The following DNAAF5 variants were observed in gnomAD, a reference collection of about 807,000 sequenced individuals.
DNAAF5 encodes HEAT repeat containing 2.
Under a neutral mutation model 75.8 loss-of-function variants are expected in DNAAF5, and 64 were observed. The observed-to-expected ratio is 0.84, with a 90% CI of 0.69 to 1.04. DNAAF5 has a LOEUF of 1.04. Ranked by LOEUF, DNAAF5 falls within the 50% of genes least tolerant of loss-of-function variation. The pLI, the probability that DNAAF5 is intolerant of heterozygous loss-of-function variation, is 0.00. For synonymous variants in DNAAF5, 657 were observed against 557.2 expected, an observed-to-expected ratio of 1.18 and a Z score of -2.52; for missense variants, 1,269 against 1,178.5, an observed-to-expected ratio of 1.08 and a Z score of -1.12.
Position 759,080 on chromosome 7 carries a change from C to T in DNAAF5, c.1470+2086C>T, listed in dbSNP as rs532804060. Among the ~76,000 whole-genome samples the T allele has an allele frequency of 6.7e-5, 10 of 149,454 alleles. No homozygotes were observed. The South Asian group carries it at 1.2e-3, about 19-fold the overall frequency. On this transcript the variant is annotated intron_variant, in intron 6 of 12. Coordinates refer to ENST00000297440, the MANE Select transcript of DNAAF5 (RefSeq NM_017802.4). ...GGCCCGTGGTTCTGTGCTCTTCCCA[C>T]GCCCCTGTGCTCTTCCCGCGGCCGG...
At chr7:779,612 G>A (rs1038932374) in intron 11 of DNAAF5, among the ~76,000 whole-genome samples, 1 of 152,146 alleles carries the variant, frequency 6.6e-6, no homozygotes, top group Non-Finnish European at 1.5e-5. Context: ...CTGGGAGCAG[G>A]AGGTGGAGGG....
intron 4 of DNAAF5, among the ~76,000 whole-genome samples, chr7:746,652 C>A (rs1562382286): frequency 6.6e-6 from 1 of 151,020 alleles, no homozygotes; most frequent in African/African-American, 2.4e-5. Flanking sequence ...CCCACCTTGC[C>A]CAGGGTCTGT....
chr7:767,885 G>T (rs62432860), intron 8 of DNAAF5, among the ~76,000 whole-genome samples: 2 of 150,102 alleles, frequency 1.3e-5, no homozygotes, highest in African/African-American at 4.9e-5. Flanking sequence ...CACATGGTCC[G>T]GTGGAAGTGT....
chr7:773,230 C>G (rs943977041), intron 9 of DNAAF5, among the ~76,000 whole-genome samples: 1 of 152,232 alleles, frequency 6.6e-6, no homozygotes, highest in Admixed American at 6.5e-5. Flanking sequence ...ACGTCACTTT[C>G]CACATCTGCT....
intron 4 of DNAAF5, among the ~76,000 whole-genome samples, chr7:742,198 C>T (rs1369540171): frequency 6.6e-6 from 1 of 152,202 alleles, no homozygotes. Context: ...CGGTCAAGTG[C>T]TTTCATCACT....
intron 11 of DNAAF5, among the ~76,000 whole-genome samples, chr7:775,798 C>T (rs1778742277): frequency 6.6e-6 from 1 of 151,496 alleles, no homozygotes; most frequent in African/African-American, 2.4e-5. Context: ...CTTAAAACAA[C>T]GTTGAACCCA....
chr7:737,597 T>A (rs1489046491), intron 2 of DNAAF5, among the ~76,000 whole-genome samples: 2 of 152,232 alleles, frequency 1.3e-5, no homozygotes, highest in African/African-American at 4.8e-5. Context: ...ACATTTCCTG[T>A]AGGACAGGTC....
Position 726,768 on chromosome 7 carries a change from T to C in DNAAF5, c.48T>C (p.Ala16=), listed in dbSNP as rs1781309916. The C allele has an allele frequency of 1.4e-5, 18 of 1,261,036 alleles. No homozygotes were observed. The highest frequency in any genetic ancestry group is 1.8e-5 in the Non-Finnish European group (18 of 1,005,100). 78.1% of individuals were successfully genotyped at this position (1,261,036 alleles called of 1,614,324 possible). The change falls in exon 1 of 13, where the codon GCT becomes GCC. Residue 16 remains alanine (A), a synonymous_variant. Coordinates refer to ENST00000297440, the MANE Select transcript of DNAAF5 (RefSeq NM_017802.4). ...AGGCCGTGGCGGCCCCACACCCGGC[T>C]GAGGGGGCCGAGACGGCTGAGGCGG... ...VAEAVAAPHP[A]EGAETAEAVE...
chr7:763,636 G>A (rs567401450), intron 7 of DNAAF5, among the ~76,000 whole-genome samples, 170 bp from the exon 8 acceptor site: 113 of 152,308 alleles, frequency 7.4e-4, no homozygotes, highest in South Asian at 3.1e-3. Flanking sequence ...CGCGGCTCTC[G>A]CTCTCCTGCA....
intron 4 of DNAAF5, among the ~76,000 whole-genome samples, chr7:741,954 A>G (rs1281422691): frequency 6.6e-6 from 1 of 152,156 alleles, no homozygotes; most frequent in Non-Finnish European, 1.5e-5. Context: ...CCAACCTGGG[A>G]ACAGGGTCTC....
At chr7:783,140 A>T (rs1167438957) in intron 12 of DNAAF5, among the ~76,000 whole-genome samples, 1 of 152,226 alleles carries the variant, frequency 6.6e-6, no homozygotes, top group Non-Finnish European at 1.5e-5. Context: ...TGGGCCGTTC[A>T]CTTTCACGCC....
intron 8 of DNAAF5, among the ~76,000 whole-genome samples, chr7:764,374 C>G (rs1360371947): frequency 6.6e-6 from 1 of 152,216 alleles, no homozygotes; most frequent in Non-Finnish European, 1.5e-5. Flanking sequence ...CTGTGGTTCT[C>G]TTTGAGCCTG....
At chr7:781,806 T>C (rs925971847) in intron 12 of DNAAF5, among the ~76,000 whole-genome samples, 8 of 152,260 alleles carry the variant, frequency 5.3e-5, no homozygotes, top group Admixed American at 1.3e-4. Context: ...GAGAGCTGTC[T>C]GTTCAGGTCT....
intron 4 of DNAAF5, among the ~76,000 whole-genome samples, chr7:743,985 A>G (rs1782004425): frequency 6.6e-6 from 1 of 151,312 alleles, no homozygotes; most frequent in South Asian, 2.1e-4. Flanking sequence ...CATGTGCACA[A>G]TGTGCAGGTT....
In DNAAF5 at chr7:754,025, C is replaced by T. The variant is rs1257936721; in HGVS notation, c.1025-564C>T. ...CTCTGATCATAGGGGGACGGCTTCG[C>T]AGGCGTGTCTCTCATCATATGGCGA... is the stretch of plus-strand genomic sequence containing the variant. On this transcript the variant is annotated intron_variant, in intron 4 of 12. Coordinates refer to ENST00000297440, the MANE Select transcript of DNAAF5 (RefSeq NM_017802.4). The surrounding 1 kb of genome is among the most constrained non-coding windows in gnomAD (Gnocchi z 4.8). 7.1e-6 allele frequency among the ~76,000 whole-genome samples: 1 copy of T among 141,584 alleles called. No homozygotes were observed. Among genetic ancestry groups the T allele is most frequent in the East Asian group, 2.1e-4 (1 of 4,702 alleles). 92.9% of individuals were successfully genotyped at this position (141,584 alleles called of 152,430 possible). A position where few individuals can be genotyped will look rare whatever the true frequency, so the allele number is the denominator to read the frequency against.
chr7:757,155 G>A (rs1274489099), intron 6 of DNAAF5, among the ~76,000 whole-genome samples, 161 bp downstream of exon 6: 3 of 152,234 alleles, frequency 2.0e-5, no homozygotes, highest in Non-Finnish European at 2.9e-5. Context: ...CCGCCAGGCC[G>A]GGCCATCGGA....
rs773441679 is a variant in DNAAF5 at position 728,689 on chromosome 7, C to G, written c.596-974C>G. Among the ~76,000 whole-genome samples, 13 of 152,356 alleles carry G rather than the reference C, an allele frequency of 8.5e-5. No individual in the cohort carries two copies. The Middle Eastern group carries it at 0.01, about 120-fold the overall frequency. On this transcript the variant is annotated intron_variant, in intron 1 of 12. Coordinates refer to ENST00000297440, the MANE Select transcript of DNAAF5 (RefSeq NM_017802.4). ...CTCCCTCCCTGGACCGTAGGTTCCA[C>G]AGGACAGCACTGTGCCCATCTGTGC... is the stretch of plus-strand genomic sequence containing the variant.
In DNAAF5 at chr7:761,322, C is replaced by T. The variant is rs1450533787; in HGVS notation, c.1471-431C>T. Among the ~76,000 whole-genome samples the T allele has an allele frequency of 3.9e-5, 6 of 152,376 alleles. No homozygotes were observed. In the South Asian group the frequency reaches 8.3e-4, roughly 21 times the overall value. On this transcript the variant is annotated intron_variant, in intron 6 of 12. Transcript: ENST00000297440. ...TGAGCCGTAGACTAGGAGCCCCGGG[C>T]GGGCTCTGTCGGCCCTGACACTGGG...
At chr7:727,643 G>C (rs1002970211) in intron 1 of DNAAF5, 1 of 149,716 alleles carries the variant, frequency 6.7e-6, no homozygotes, top group Admixed American at 7.1e-5. Context: ...TTCCTGCTTG[G>C]CCCTCACTCA....
Sources: gnomAD v4.1 joint callset for allele counts (sites outside exome capture counted in the v4.1 genomes callset) on GRCh38, gnomAD v4.1.1 for gene constraint, Gnocchi (gnomAD v3.1) non-coding constraint, MANE v1.5 for transcripts, NCBI Gene and HGNC (gene_info 2026-07-23, HGNC 2026-07-21) for gene names.